Variants in CCDC149 observed in about 807,000 individuals in gnomAD.
The protein encoded by CCDC149 is coiled-coil domain containing 149, also known as coiled-coil domain-containing protein 149.
In CCDC149, 45 loss-of-function variants were observed where a neutral mutation model predicts 59.9. That is an observed-to-expected ratio of 0.75 (90% CI 0.59 to 0.96). CCDC149 has a LOEUF of 0.96. Ranked by LOEUF, CCDC149 falls within the 40% of genes least tolerant of loss-of-function variation. CCDC149 has a pLI of 0.00. For synonymous variants in CCDC149, 245 were observed against 260.6 expected (o/e 0.94, Z 0.58); for missense variants, 584 against 664.7 (o/e 0.88, Z 1.33).
At chr4:24,885,518 C>A (rs752471632) in intron 1 of CCDC149, among the ~76,000 whole-genome samples, 8 of 152,170 alleles carry the variant, frequency 5.3e-5, no homozygotes, top group Non-Finnish European at 8.8e-5. Flanking sequence ...CCCAGGCAAC[C>A]AGACTCATGC....
At chr4:24,933,997 T>C (rs527257420) in intron 1 of CCDC149, among the ~76,000 whole-genome samples, 14 of 152,338 alleles carry the variant, frequency 9.2e-5, no homozygotes, top group African/African-American at 3.1e-4. Context: ...TTCATGTGTA[T>C]GCTGTCACCC....
chr4:24,838,272 G>T lies in CCDC149; in HGVS notation c.373C>A (p.Leu125Ile), dbSNP rs1170758716. ...TGTTTGGCAATCGTCATCCTCAAGAGCTGCATTTTCCATTGGTAGAAAAAG... is the reference window on the plus strand; with the variant it reads ...TGTTTGGCAATCGTCATCCTCAAGATCTGCATTTTCCATTGGTAGAAAAAG... Residue 125 changes from leucine to isoleucine, a missense_variant and splice_region_variant, in exon 5 of 13, where the codon CTC becomes ATC. Transcript: ENST00000635206. The T allele has an allele frequency of 5.0e-6, 8 of 1,611,566 alleles. No homozygotes were observed. The highest frequency in any genetic ancestry group is 6.8e-6 in the Non-Finnish European group (8 of 1,177,822).
intron 1 of CCDC149, among the ~76,000 whole-genome samples, chr4:24,959,265 C>A (rs1350967933): frequency 6.6e-6 from 1 of 151,798 alleles, no homozygotes; most frequent in East Asian, 1.9e-4. Flanking sequence ...TGAGCCACTG[C>A]GCCCGGTCAA....
chr4:24,899,231 T>C (rs941861112), intron 1 of CCDC149, among the ~76,000 whole-genome samples: 1 of 152,116 alleles, frequency 6.6e-6, no homozygotes, highest in Admixed American at 6.5e-5. Context: ...TGGATCTTAA[T>C]GAATAAGAAT....
At chr4:24,817,937 G>A (rs1715121048) in intron 12 of CCDC149, among the ~76,000 whole-genome samples, 1 of 152,160 alleles carries the variant, frequency 6.6e-6, no homozygotes, top group Non-Finnish European at 1.5e-5. Context: ...GAGATGTTAA[G>A]TGCAAGACAG....
At chr4:24,868,590 T>C (rs1718838961) in intron 3 of CCDC149, among the ~76,000 whole-genome samples, 1 of 152,192 alleles carries the variant, frequency 6.6e-6, no homozygotes, top group Admixed American at 6.5e-5. Context: ...ATATTATTGG[T>C]CCAAACCCAG....
At chr4:24,940,391 G>A (rs1211879501) in intron 1 of CCDC149, among the ~76,000 whole-genome samples, 2 of 152,100 alleles carry the variant, frequency 1.3e-5, no homozygotes, top group Non-Finnish European at 1.5e-5. Context: ...AGCTCCTGAA[G>A]GAAGCACTAA....
chr4:24,890,882 C>G (rs971576608), intron 1 of CCDC149, among the ~76,000 whole-genome samples: 1 of 152,230 alleles, frequency 6.6e-6, no homozygotes, highest in Non-Finnish European at 1.5e-5. Context: ...AAATAGAGCT[C>G]TTACCACCAT....
chr4:24,859,844 C>G (rs1356369974), intron 3 of CCDC149, among the ~76,000 whole-genome samples: 1 of 152,040 alleles, frequency 6.6e-6, no homozygotes, highest in African/African-American at 2.4e-5. Flanking sequence ...AACCCTTTTA[C>G]AAACTGCAAA....
At chr4:24,831,081 C>T (rs896392422) in intron 9 of CCDC149, 3 of 156,406 alleles carry the variant, frequency 1.9e-5, no homozygotes, top group Admixed American at 6.4e-5. Flanking sequence ...CTTTTCTAGG[C>T]CCCGCAGCCT....
At chr4:24,885,922 A>ACAGTAG (rs993182561) in intron 1 of CCDC149, among the ~76,000 whole-genome samples, 1 of 152,228 alleles carries the variant, frequency 6.6e-6, no homozygotes, top group African/African-American at 2.4e-5. Flanking sequence ...TATAACAGTA[A>ACAGTAG]CAGTAGCAGC....
rs200651666 is a variant in CCDC149 at position 24,972,287 on chromosome 4, TTTTTC to T, written c.-65+7777_-65+7781del. On this transcript the variant is annotated intron_variant, in intron 1 of 12. Transcript: ENST00000389609. The stretch of plus-strand genomic sequence containing the variant: ...TGTGGTTGAGGACTAAATTCTGACC[TTTTTC>T]TTTTCTTTTCTTTTCTTTTCTTTTC... Among the ~76,000 whole-genome samples the T allele has an allele frequency of 3.4e-3, 484 of 142,736 alleles. 1 individual carries two copies. The highest frequency in any genetic ancestry group is 0.015 in the East Asian group (72 of 4,742). The allele number at this position is 142,736 out of a possible 152,430, so 93.6% of individuals were successfully genotyped here.
In CCDC149 at chr4:24,960,878, G is replaced by C. The variant is rs116961793; in HGVS notation, c.-65+19191C>G. Among the ~76,000 whole-genome samples, 6 of 152,300 alleles carry C rather than the reference G, an allele frequency of 3.9e-5. No individual in the cohort carries two copies. The East Asian group carries it at 1.2e-3, about 29-fold the overall frequency. Reference sequence around the variant, plus strand: ...AAATCAGTAGAGATGTAATAGGTTTGAACAGCAGTAAAACCAATTTGACCA... The same window carrying C: ...AAATCAGTAGAGATGTAATAGGTTTCAACAGCAGTAAAACCAATTTGACCA... On this transcript the variant is annotated intron_variant, in intron 1 of 12. Coordinates refer to the CCDC149 transcript ENST00000389609.
At chr4:24,962,427 G>C (rs1023664534) in intron 1 of CCDC149, among the ~76,000 whole-genome samples, 4 of 152,200 alleles carry the variant, frequency 2.6e-5, no homozygotes, top group African/African-American at 9.7e-5. Context: ...TCTACAACTA[G>C]AAATACCATT....
At chr4:24,929,286 G>A (rs914936080) in intron 1 of CCDC149, among the ~76,000 whole-genome samples, 2 of 152,146 alleles carry the variant, frequency 1.3e-5, no homozygotes, top group East Asian at 1.9e-4. Context: ...AGTGGGAATC[G>A]GCTCTCAGCG....
chr4:24,884,919 G>A lies in CCDC149; in HGVS notation c.64-8222C>T, dbSNP rs143461674. On this transcript the variant is annotated intron_variant, in intron 1 of 12. Coordinates refer to ENST00000635206, the MANE Select transcript of CCDC149 (RefSeq NM_001330643.2). ...GACAATGTGGTATTTGAAATCGATC[G>A]GGAGGGAGGGGTAGAGGGATACATC... Among the ~76,000 whole-genome samples the A allele has an allele frequency of 4.5e-4, 68 of 152,282 alleles. 1 individual carries two copies. Among genetic ancestry groups the A allele is most frequent in the East Asian group, 2.9e-3 (15 of 5,178 alleles).
At chr4:24,951,342 C>T (rs985505750) in intron 1 of CCDC149, among the ~76,000 whole-genome samples, 2 of 152,180 alleles carry the variant, frequency 1.3e-5, no homozygotes, top group African/African-American at 2.4e-5. Flanking sequence ...TGGGAATGTG[C>T]TTTCATGCAT....
In CCDC149 at chr4:24,853,128, C is replaced by G; in HGVS notation, c.316G>C (p.Gly106Arg). 1 of 1,613,888 alleles carries G rather than the reference C, an allele frequency of 6.2e-7. No homozygotes were observed. Among genetic ancestry groups the G allele is most frequent in the East Asian group, 2.2e-5 (1 of 44,880 alleles). The change falls in exon 4 of 13, where the codon GGA becomes CGA. Residue 106 changes from glycine to arginine, a missense_variant. Gly to Arg is a moderately radical substitution (Grantham distance 125). Coordinates refer to ENST00000635206, the MANE Select transcript of CCDC149 (RefSeq NM_001330643.2). ...TGCTGAAGTTCTTTAATTTCTTCTC[C>G]CAGATGTTTATTTCGGTCCTGAGAA... is the stretch of plus-strand genomic sequence containing the variant.
chr4:24,950,755 A>AT (rs957427856), intron 1 of CCDC149, among the ~76,000 whole-genome samples: 4 of 152,026 alleles, frequency 2.6e-5, no homozygotes, highest in Non-Finnish European at 5.9e-5. Flanking sequence ...CAATAAACAC[A>AT]TTTTTTCCCC....
Sources: allele counts gnomAD v4.1 joint callset (sites outside exome capture counted in the v4.1 genomes callset), GRCh38; gene constraint gnomAD v4.1.1; transcripts MANE v1.5; gene names NCBI Gene and HGNC (gene_info 2026-07-23, HGNC 2026-07-21).